Variants in TEN1 observed in about 807,000 individuals in gnomAD.
TEN1 encodes TEN1 subunit of CST complex.
TEN1 carries 6 observed loss-of-function variants against 9.3 expected under a neutral mutation model. That is an observed-to-expected ratio of 0.65 (90% CI 0.35 to 1.27). The LOEUF is 1.27. Among genes scored for constraint, TEN1 ranks in the 50% most tolerant of loss-of-function variants. The probability of loss-of-function intolerance (pLI) is 0.03; values close to 1 mark genes in which losing one functional copy is unlikely to be tolerated. For synonymous variants in TEN1, 65 were observed against 65.6 expected (o/e 0.99, Z 0.04); for missense variants, 149 against 158.2 (o/e 0.94, Z 0.31).
chr17:75,990,399 CA>C (rs1235247552), intron 2 of TEN1, among the ~76,000 whole-genome samples: 15 of 149,972 alleles, frequency 1.0e-4, no homozygotes, highest in Non-Finnish European at 1.8e-4. Flanking sequence ...TCACAACATA[CA>C]AAAAAAAATT....
rs575903236 is a variant in TEN1, at chr17:75,992,613, C to T, written c.250+990C>T. On this transcript the variant is annotated intron_variant, in intron 3 of 3. Transcript: ENST00000397640. Reference sequence around the variant, plus strand: ...CTGCAAGCTCCGCCTCCCGGGTTCACGCCATTCTCCTGCCTCAGCCTCCCA... The same window carrying T: ...CTGCAAGCTCCGCCTCCCGGGTTCATGCCATTCTCCTGCCTCAGCCTCCCA... 8.2e-4 allele frequency among the ~76,000 whole-genome samples: 120 copies of T among 146,732 alleles called. 2 individuals carry two copies. The highest frequency in any genetic ancestry group is 2.7e-3 in the African/African-American group (107 of 39,648).
Position 75,979,508 on chromosome 17 carries a change from A to C in TEN1, c.-10A>C. On this transcript the variant is annotated 5_prime_UTR_variant, in exon 1 of 4. Transcript: ENST00000397640. ...AATCCGAGGACCGGCGACGCCTAGA[A>C]CAGGTTGGCTGGGGCCTTGGGAAGG... is the stretch of plus-strand genomic sequence containing the variant. 1 of 319,232 alleles carries C rather than the reference A, an allele frequency of 3.1e-6. No homozygotes were observed. The highest frequency in any genetic ancestry group is 2.5e-5 in the South Asian group (1 of 39,946). The allele number at this position is 319,232 out of a possible 1,614,324, so 19.8% of individuals were successfully genotyped here. A position where few individuals can be genotyped will look rare whatever the true frequency, so the allele number is the denominator to read the frequency against.
chr17:75,979,671 C>T (rs909291829), intron 1 of TEN1, among the ~76,000 whole-genome samples, 160 bp downstream of exon 1: 1 of 151,968 alleles, frequency 6.6e-6, no homozygotes, highest in African/African-American at 2.4e-5. Context: ...GAGTCTGGGG[C>T]GGGAGATGGG....
intron 1 of TEN1, among the ~76,000 whole-genome samples, chr17:75,981,479 G>A (rs747127309): frequency 3.3e-4 from 50 of 152,004 alleles, no homozygotes; most frequent in Non-Finnish European, 1.9e-4. Flanking sequence ...GAGCCACTGC[G>A]CCTGGCTGGC....
intron 2 of TEN1, among the ~76,000 whole-genome samples, chr17:75,988,561 CAAAAAAAAAAAAAAAA>C (rs1189354019): frequency 3.4e-5 from 1 of 28,988 alleles, no homozygotes; most frequent in Non-Finnish European, 6.0e-5. Context: ...GATCCTGCCT[CAAAAAAAAAAAAAAAA>C]AAAAAAAAAA....
intron 3 of TEN1, among the ~76,000 whole-genome samples, chr17:75,992,994 G>C (rs1337020478): frequency 2.1e-5 from 3 of 144,218 alleles, no homozygotes; most frequent in Admixed American, 6.9e-5. Context: ...CAGAGTCTTG[G>C]TCTGCTGTCC....
At position 75,979,318 on chromosome 17, in the gene TEN1, C is replaced by T. The variant is rs966309721; in HGVS notation, c.-200C>T. ...TGGCTGGGGCCGGTCGCGGGGCAGA[C>T]TAATCCCCTGCTCCTGGCCAGGGGA... On this transcript the variant is annotated 5_prime_UTR_variant, in exon 1 of 4. Coordinates refer to ENST00000397640, the MANE Select transcript of TEN1 (RefSeq NM_001113324.3). 16 of 608,670 alleles carry T rather than the reference C, an allele frequency of 2.6e-5. No homozygotes were observed. Among genetic ancestry groups the T allele is most frequent in the Non-Finnish European group, 3.8e-5 (13 of 343,698 alleles). 37.7% of individuals were successfully genotyped at this position (608,670 alleles called of 1,614,324 possible).
chr17:76,000,151 C>A lies in TEN1; in HGVS notation c.261C>A (p.Ser87=). The change falls in exon 4 of 4, where the codon TCC becomes TCA. Residue 87 remains serine, a synonymous_variant. Transcript: ENST00000397640. The surrounding 1 kb of genome is among the most constrained non-coding windows in gnomAD (Gnocchi z 5.9). ...GELQHQQDRG[S]VVKARVLTCV... ...GTGTTTGTCTTGCAGACAGAGGCTC[C>A]GTGGTGAAGGCGCGCGTGCTGACCT... 1 of 1,551,156 alleles carries A rather than the reference C, an allele frequency of 6.4e-7. No homozygotes were observed. Among genetic ancestry groups the A allele is most frequent in the Non-Finnish European group, 8.7e-7 (1 of 1,146,744 alleles).
chr17:75,985,743 T>A (rs1404974160), intron 1 of TEN1, among the ~76,000 whole-genome samples: 1 of 151,496 alleles, frequency 6.6e-6, no homozygotes. Flanking sequence ...AGGCTGGTCT[T>A]GAACTCCTGA....
intron 1 of TEN1, among the ~76,000 whole-genome samples, chr17:75,980,236 G>A (rs2066107180): frequency 6.6e-6 from 1 of 152,126 alleles, no homozygotes; most frequent in South Asian, 2.1e-4. Flanking sequence ...CTACTCTGAA[G>A]GCTGAGATGG....
In TEN1 at chr17:75,979,417, G is replaced by GA. The variant is rs1047754615; in HGVS notation, c.-97dup. 49 of 449,530 alleles carry GA rather than the reference G, an allele frequency of 1.1e-4. No homozygotes were observed. Among genetic ancestry groups the GA allele is most frequent in the Non-Finnish European group, 1.8e-4 (45 of 243,542 alleles). The allele number at this position is 449,530 out of a possible 1,614,324, so 27.8% of individuals were successfully genotyped here. On this transcript the variant is annotated 5_prime_UTR_variant, in exon 1 of 4. It removes the in-frame stop codon of an upstream open reading frame in the 5' UTR. Coordinates refer to ENST00000397640, the MANE Select transcript of TEN1 (RefSeq NM_001113324.3). ...GCCCTGCTGGGCGTCCGGGGAGTGG[G>GA]AAAATAAAGCACTTTTTGTATCCCG...
In TEN1 at chr17:75,986,358, TA is replaced by T. The variant is rs752300127; in HGVS notation, c.92+76del. 503 of 1,283,050 alleles carry T rather than the reference TA, an allele frequency of 3.9e-4. 1 individual carries two copies. The highest frequency in any genetic ancestry group is 4.7e-4 in the Non-Finnish European group (447 of 946,944). The allele number at this position is 1,283,050 out of a possible 1,614,324, so 79.5% of individuals were successfully genotyped here. A position where few individuals can be genotyped will look rare whatever the true frequency, so the allele number is the denominator to read the frequency against. On this transcript the variant is annotated intron_variant, in intron 2 of 3. Coordinates refer to ENST00000397640, the MANE Select transcript of TEN1 (RefSeq NM_001113324.3). ...GTCTTTCTCTACCTCCAAAAAGACA[TA>T]ATTAGAAAAGATTTTTATAACTTCA... is the stretch of plus-strand genomic sequence containing the variant.
rs1266047693 is a variant in TEN1, at chr17:75,997,855, C to CT, written c.251-2273dup. 3.0e-3 allele frequency among the ~76,000 whole-genome samples: 440 copies of CT among 145,496 alleles called. 3 individuals are homozygous for CT. Among genetic ancestry groups the CT allele is most frequent in the Middle Eastern group, 7.2e-3 (2 of 276 alleles). The stretch of plus-strand genomic sequence containing the variant: ...TTCTTCTTTGCTCCAGGTTCTTAAT[C>CT]TTTTTTTTTTTTTCCTGAGATGGAG... On this transcript the variant is annotated intron_variant, in intron 3 of 3. Transcript: ENST00000397640.
At chr17:75,997,135 C>A (rs1026236762) in intron 3 of TEN1, among the ~76,000 whole-genome samples, 3 of 152,124 alleles carry the variant, frequency 2.0e-5, no homozygotes, top group African/African-American at 7.2e-5. Flanking sequence ...CGGGCTTTCT[C>A]CCCCATCTCT....
At chr17:75,991,082 G>A (rs8075903) in intron 2 of TEN1, among the ~76,000 whole-genome samples, 7,125 of 147,410 alleles carry the variant, frequency 0.048, 569 homozygotes, top group African/African-American at 0.17. Flanking sequence ...CCCAGGAGGC[G>A]GAGGTTGCAG....
At chr17:75,988,984 G>T (rs1488833941) in intron 2 of TEN1, among the ~76,000 whole-genome samples, 1 of 152,008 alleles carries the variant, frequency 6.6e-6, no homozygotes, top group East Asian at 1.9e-4. Flanking sequence ...TCTTGGCCAG[G>T]CTGGTCTCGA....
At chr17:75,993,928 G>A (rs113006250) in intron 3 of TEN1, among the ~76,000 whole-genome samples, 3,983 of 151,444 alleles carry the variant, frequency 0.026, 72 homozygotes, top group Middle Eastern at 0.069. Context: ...CCCGGGAGGC[G>A]GAGGAGGTTG....
At chr17:75,992,158 G>T (rs2066189896) in intron 3 of TEN1, among the ~76,000 whole-genome samples, 1 of 152,062 alleles carries the variant, frequency 6.6e-6, no homozygotes, top group African/African-American at 2.4e-5. Context: ...AACACACCAG[G>T]CCTGATGTGA....
intron 3 of TEN1, among the ~76,000 whole-genome samples, chr17:75,992,066 A>C (rs1046054489): frequency 6.7e-6 from 1 of 149,126 alleles, no homozygotes; most frequent in African/African-American, 2.6e-5. Flanking sequence ...AAAAAAAAAA[A>C]AAGACAGGTA....
Sources: allele counts gnomAD v4.1 joint callset (sites outside exome capture counted in the v4.1 genomes callset), GRCh38; gene constraint gnomAD v4.1.1; non-coding constraint Gnocchi (gnomAD v3.1); transcripts MANE v1.5; gene names NCBI Gene and HGNC (gene_info 2026-07-23, HGNC 2026-07-21).